Variants in MCTP2 observed in about 807,000 individuals in gnomAD.
The protein encoded by MCTP2 is multiple C2 and transmembrane domain-containing protein 2.
A neutral mutation model predicts 111.6 loss-of-function variants in MCTP2; 132 were observed. The ratio of observed to expected loss-of-function variants is 1.18; its 90% CI spans 1.03 to 1.37. MCTP2 has a LOEUF of 1.37. MCTP2 is among the 40% of genes most tolerant of loss of function. The probability of loss-of-function intolerance (pLI) is 0.00; values close to 1 mark genes in which losing one functional copy is unlikely to be tolerated. For synonymous variants in MCTP2, 395 were observed against 387.7 expected, an observed-to-expected ratio of 1.02 and a Z score of -0.22; for missense variants, 1,183 against 1,067.9, an observed-to-expected ratio of 1.11 and a Z score of -1.50.
Position 94,268,112 on chromosome 15 carries a change from C to T in MCTP2, c.-65-30089C>T, listed in dbSNP as rs150441836. Among the ~76,000 whole-genome samples, 675 of 151,158 alleles carry T rather than the reference C, an allele frequency of 4.5e-3. 7 individuals are homozygous for T. The highest frequency in any genetic ancestry group is 0.015 in the African/African-American group (614 of 41,146). On this transcript the variant is annotated intron_variant, in intron 1 of 22. Transcript: ENST00000357742. The stretch of plus-strand genomic sequence containing the variant: ...CAATCTCCTGACCTTGTGATGAACC[C>T]GCCTTGGCCTCCCAAAGTGCTGAGA...
chr15:94,383,990 G>C, intron 12 of MCTP2, 32 bp from the exon 13 acceptor site: 3 of 1,470,988 alleles, frequency 2.0e-6, no homozygotes, highest in Non-Finnish European at 2.9e-6. Flanking sequence ...AGATTCACTT[G>C]TCTTTGACCG....
chr15:94,390,098 A>ATG (rs1555464915), intron 14 of MCTP2, among the ~76,000 whole-genome samples: 22 of 34,416 alleles, frequency 6.4e-4, no homozygotes, highest in Admixed American at 1.6e-3. Context: ...ATGTATATAT[A>ATG]TATATATATA....
intron 1 of MCTP2, among the ~76,000 whole-genome samples, chr15:94,283,685 A>G (rs1326839323): frequency 6.6e-6 from 1 of 152,072 alleles, no homozygotes; most frequent in Non-Finnish European, 1.5e-5. Context: ...GTCCCCTCTC[A>G]ATACCTTCTT....
intron 1 of MCTP2, among the ~76,000 whole-genome samples, chr15:94,242,219 A>G (rs2071019107): frequency 2.0e-5 from 3 of 152,138 alleles, no homozygotes; most frequent in Admixed American, 6.6e-5. Flanking sequence ...CAGCTCAACT[A>G]TCAGTTCTGC....
chr15:94,406,509 G>A (rs2081903539), intron 17 of MCTP2, among the ~76,000 whole-genome samples: 1 of 152,218 alleles, frequency 6.6e-6, no homozygotes, highest in South Asian at 2.1e-4. Context: ...CCTGTTCCAA[G>A]CTGTGATGCT....
In MCTP2 at chr15:94,386,882, CCAA is replaced by C. The variant is rs560306742; in HGVS notation, c.1788+1362_1788+1364del. On this transcript the variant is annotated intron_variant, in intron 14 of 22. Transcript: ENST00000357742. ...TTGTGTGTTTGGTCTTTCTGTACTA[CCAA>C]CAACTGACTTAGCTCGCCTGCCTGC... Among the ~76,000 whole-genome samples, 588 of 152,248 alleles carry C rather than the reference CCAA, an allele frequency of 3.9e-3. 3 individuals carry two copies. The highest frequency in any genetic ancestry group is 0.014 in the African/African-American group (561 of 41,538).
intron 1 of MCTP2, among the ~76,000 whole-genome samples, chr15:94,279,339 G>C (rs1362425334): frequency 6.6e-6 from 1 of 151,952 alleles, no homozygotes; most frequent in Non-Finnish European, 1.5e-5. Flanking sequence ...TCACCTCCCT[G>C]GTTAGTTCAT....
intron 17 of MCTP2, among the ~76,000 whole-genome samples, chr15:94,419,022 ATG>A (rs2082501365): frequency 6.6e-6 from 1 of 152,178 alleles, no homozygotes; most frequent in South Asian, 2.1e-4. Flanking sequence ...CTTCATAGAA[ATG>A]TTCAGTATAG....
chr15:94,432,056 C>A (rs1262044276), intron 17 of MCTP2, among the ~76,000 whole-genome samples: 2 of 152,118 alleles, frequency 1.3e-5, no homozygotes, highest in African/African-American at 4.8e-5. Context: ...AGTATTCATA[C>A]AAAATCATTA....
intron 20 of MCTP2, among the ~76,000 whole-genome samples, chr15:94,463,120 A>G (rs2085316125): frequency 6.6e-6 from 1 of 152,198 alleles, no homozygotes; most frequent in African/African-American, 2.4e-5. Context: ...TAGAAAGCCC[A>G]TGACACACCA....
chr15:94,443,848 T>A (rs2083931417), intron 19 of MCTP2, among the ~76,000 whole-genome samples: 1 of 152,084 alleles, frequency 6.6e-6, no homozygotes, highest in Admixed American at 6.6e-5. Context: ...ATGACCTTTT[T>A]CAGAAAAGGG....
At chr15:94,243,865 A>G (rs375170286) in intron 1 of MCTP2, among the ~76,000 whole-genome samples, 115 of 147,488 alleles carry the variant, frequency 7.8e-4, no homozygotes, top group African/African-American at 2.4e-3. Context: ...ATACACATAC[A>G]TATGTGTATA....
At chr15:94,398,333 T>C (rs1358165853) in intron 14 of MCTP2, among the ~76,000 whole-genome samples, 1 of 152,232 alleles carries the variant, frequency 6.6e-6, no homozygotes, top group African/African-American at 2.4e-5. Flanking sequence ...GGAATACTTT[T>C]AGATTTACAG....
chr15:94,419,629 G>C lies in MCTP2; in HGVS notation c.2085+17610G>C, dbSNP rs1320510625. On this transcript the variant is annotated intron_variant, in intron 17 of 22. Coordinates refer to ENST00000357742, the MANE Select transcript of MCTP2 (RefSeq NM_001385001.1). ...CCCACTGATTTCTTCCGAAAGTGTA[G>C]AATTAGTTTTCTGGTCAGTCTAAAT... Among the ~76,000 whole-genome samples the C allele has an allele frequency of 2.0e-5, 3 of 152,072 alleles. No individual in the cohort carries two copies. The East Asian group carries it at 5.8e-4, about 29-fold the overall frequency.
intron 8 of MCTP2, among the ~76,000 whole-genome samples, chr15:94,347,770 G>T (rs1446726953): frequency 6.6e-6 from 1 of 152,038 alleles, no homozygotes; most frequent in Non-Finnish European, 1.5e-5. Context: ...ATTAACAGTG[G>T]TTATTTACCT....
intron 14 of MCTP2, among the ~76,000 whole-genome samples, chr15:94,388,264 T>G (rs984433764): frequency 2.0e-5 from 3 of 152,200 alleles, no homozygotes; most frequent in African/African-American, 7.2e-5. Context: ...GGGCCATTCC[T>G]TTCAGGGACT....
chr15:94,431,707 G>T (rs956938048), intron 17 of MCTP2, among the ~76,000 whole-genome samples: 61 of 151,752 alleles, frequency 4.0e-4, no homozygotes, highest in Admixed American at 3.1e-3. Context: ...GATTTTTTTT[G>T]AACAGAATTA....
intron 4 of MCTP2, among the ~76,000 whole-genome samples, chr15:94,333,441 T>C (rs1188885892): frequency 6.6e-6 from 1 of 151,124 alleles, no homozygotes; most frequent in African/African-American, 2.5e-5. Flanking sequence ...CCATGAGTTA[T>C]ATCAAAAAAA....
chr15:94,374,182 C>T (rs2079630943), intron 12 of MCTP2, among the ~76,000 whole-genome samples: 2 of 151,770 alleles, frequency 1.3e-5, no homozygotes, highest in Admixed American at 6.6e-5. Context: ...TTAATACTGT[C>T]GAAAGAAAAT....
Sources: gnomAD v4.1 joint callset for allele counts (sites outside exome capture counted in the v4.1 genomes callset) on GRCh38, gnomAD v4.1.1 for gene constraint, MANE v1.5 for transcripts, NCBI Gene and HGNC (gene_info 2026-07-23, HGNC 2026-07-21) for gene names.